CPSF7: variants seen among roughly 807,000 people sequenced by gnomAD.
CPSF7 encodes cleavage and polyadenylation specificity factor subunit 7.
Under a neutral mutation model 44.3 loss-of-function variants are expected in CPSF7, and 1 was observed. The ratio of observed to expected loss-of-function variants is 0.02; its 90% CI spans 0.01 to 0.11. The LOEUF (loss-of-function observed/expected upper bound fraction) is 0.11, where lower values mean the gene tolerates loss of function less well. CPSF7 is among the 10% of genes least tolerant of loss of function. CPSF7 has a pLI of 1.00. For missense variants in CPSF7, 443 were observed against 607.2 expected, an observed-to-expected ratio of 0.73 and a Z score of 2.84; for synonymous variants, 202 against 222.0, an observed-to-expected ratio of 0.91 and a Z score of 0.80.
At chr11:61,429,053 G>C (rs1861669516) in intron 2 of CPSF7, 129 bp downstream of exon 2, 1 of 563,148 alleles carries the variant, frequency 1.8e-6, no homozygotes, top group East Asian at 2.9e-5. Flanking sequence ...TTCTGCAGGA[G>C]AAAAATTTTA....
At chr11:61,409,955 G>C (rs892701360) in intron 9 of CPSF7, among the ~76,000 whole-genome samples, 1 of 151,914 alleles carries the variant, frequency 6.6e-6, no homozygotes, top group African/African-American at 2.4e-5. Flanking sequence ...GGGCGGCAAA[G>C]TGAGGCTCTG....
At chr11:61,417,228 T>C (rs1860423437) in intron 5 of CPSF7, among the ~76,000 whole-genome samples, 1 of 152,146 alleles carries the variant, frequency 6.6e-6, no homozygotes, top group African/African-American at 2.4e-5. Flanking sequence ...CTACAAAACA[T>C]GTCTCCAATC....
chr11:61,429,931 C>T lies in CPSF7; in HGVS notation c.-73G>A, dbSNP rs1590758711. On this transcript the variant is annotated 5_prime_UTR_variant, in exon 1 of 10. Coordinates refer to ENST00000439958, the MANE Select transcript of CPSF7 (RefSeq NM_001142565.3). ...CCCGTTACCGGGAATATGGCGGCGG[C>T]GGCGGCGAGTCCGGACTAGGCCCGA... 2.8e-6 allele frequency: 4 copies of T among 1,440,236 alleles called. No homozygotes were observed. Among genetic ancestry groups the T allele is most frequent in the Non-Finnish European group, 3.7e-6 (4 of 1,076,636 alleles). 89.2% of individuals were successfully genotyped at this position (1,440,236 alleles called of 1,614,324 possible). A position where few individuals can be genotyped will look rare whatever the true frequency, so the allele number is the denominator to read the frequency against.
intron 9 of CPSF7, among the ~76,000 whole-genome samples, chr11:61,409,519 T>G (rs911150926): frequency 3.3e-5 from 5 of 152,212 alleles, no homozygotes; most frequent in East Asian, 3.9e-4. Flanking sequence ...ACCTTGTCAC[T>G]AAGTCTTTTC....
intron 2 of CPSF7, 76 bp from the exon 3 acceptor site, chr11:61,421,684 A>T: frequency 9.8e-7 from 1 of 1,019,310 alleles, no homozygotes; most frequent in Non-Finnish European, 1.5e-6. Context: ...AGTTTATTAG[A>T]ATCCAGTTAA....
intron 2 of CPSF7, among the ~76,000 whole-genome samples, chr11:61,424,764 T>A (rs573529916): frequency 1.3e-5 from 2 of 152,340 alleles, no homozygotes; most frequent in East Asian, 3.9e-4. Flanking sequence ...TCTTTTTTTT[T>A]AAATCAAGGA....
chr11:61,420,912 C>T (rs1860804240), intron 3 of CPSF7: 2 of 505,760 alleles, frequency 4.0e-6, no homozygotes, highest in African/African-American at 3.9e-5. Context: ...CAGAACTTCC[C>T]CCACAGTAAA....
At chr11:61,423,105 CAAAAAAAAAAAA>C (rs71471824) in intron 2 of CPSF7, among the ~76,000 whole-genome samples, 5 of 52,352 alleles carry the variant, frequency 9.6e-5, no homozygotes, top group African/African-American at 1.8e-4. Flanking sequence ...GACCCCATAT[CAAAAAAAAAAAA>C]AAAAAAAAAA....
chr11:61,407,656 T>C (rs1859442463), intron 9 of CPSF7, among the ~76,000 whole-genome samples: 1 of 152,200 alleles, frequency 6.6e-6, no homozygotes, highest in Non-Finnish European at 1.5e-5. Flanking sequence ...TAGGATTTTG[T>C]GGAATAAATG....
intron 6 of CPSF7, 80 bp downstream of exon 6, chr11:61,416,025 G>T: frequency 7.9e-7 from 1 of 1,263,558 alleles, no homozygotes; most frequent in Non-Finnish European, 1.1e-6. Context: ...AGGATTCAGT[G>T]CTCACTTTCT....
intron 2 of CPSF7, among the ~76,000 whole-genome samples, chr11:61,423,101 A>G (rs530024278): frequency 5.6e-5 from 6 of 106,972 alleles, no homozygotes; most frequent in Non-Finnish European, 9.8e-5. Context: ...GTGAGACCCC[A>G]TATCAAAAAA....
chr11:61,409,188 A>C (rs1859616623), intron 9 of CPSF7, among the ~76,000 whole-genome samples: 2 of 150,748 alleles, frequency 1.3e-5, no homozygotes, highest in South Asian at 2.1e-4. Context: ...CAAAACAAAA[A>C]AACAGCCGGG....
chr11:61,429,766 C>A (rs1223350408), intron 1 of CPSF7, 148 bp downstream of exon 1: 6 of 1,546,586 alleles, frequency 3.9e-6, no homozygotes, highest in African/African-American at 2.7e-5. Context: ...CCCGGCCCGG[C>A]GCGCTCTGCC....
intron 8 of CPSF7, among the ~76,000 whole-genome samples, chr11:61,411,563 ACTGC>A (rs764874552): frequency 1.3e-5 from 2 of 152,248 alleles, no homozygotes; most frequent in Non-Finnish European, 2.9e-5. Flanking sequence ...ACATGAGCCC[ACTGC>A]CTCACCCACC....
intron 6 of CPSF7, 85 bp from the exon 7 acceptor site, chr11:61,415,869 AAC>A (rs1860281128): frequency 9.5e-7 from 1 of 1,049,046 alleles, no homozygotes; most frequent in African/African-American, 1.6e-5. Context: ...ATTTTGGCAT[AAC>A]ACAGAACAAT....
At chr11:61,426,453 T>C (rs541396459) in intron 2 of CPSF7, 2 of 152,316 alleles carry the variant, frequency 1.3e-5, no homozygotes, top group African/African-American at 4.8e-5. Context: ...AAACATAAGA[T>C]ATTCAAAATT....
rs1334376882 is a variant in CPSF7 at position 61,429,950 on chromosome 11, G to C, written c.-92C>G. The C allele has an allele frequency of 3.7e-6, 5 of 1,367,246 alleles. No individual in the cohort carries two copies. The highest frequency in any genetic ancestry group is 1.5e-5 in the African/African-American group (1 of 67,596). The allele number at this position is 1,367,246 out of a possible 1,614,324, so 84.7% of individuals were successfully genotyped here. A position where few individuals can be genotyped will look rare whatever the true frequency, so the allele number is the denominator to read the frequency against. ...CGGCGGCGGCGGCGAGTCCGGACTAGGCCCGAAGCGCGCGAACCGCTCTCC... is the reference window on the plus strand; with the variant it reads ...CGGCGGCGGCGGCGAGTCCGGACTACGCCCGAAGCGCGCGAACCGCTCTCC... On this transcript the variant is annotated 5_prime_UTR_variant, in exon 1 of 10. Transcript: ENST00000439958.
At position 61,402,735 on chromosome 11, in the gene CPSF7, G is replaced by T. The variant is rs1590649400; in HGVS notation, c.*1975C>A. 2 of 152,692 alleles carry T rather than the reference G, an allele frequency of 1.3e-5. No individual in the cohort carries two copies. The highest frequency in any genetic ancestry group is 4.1e-4 in the South Asian group (2 of 4,824). The allele number at this position is 152,692 out of a possible 1,614,324, so 9.5% of individuals were successfully genotyped here. ...TACAATGCAGTATAAAAGATTGACA[G>T]CGTCATCAAGTTTATTACACAATTT... On this transcript the variant is annotated 3_prime_UTR_variant, in exon 10 of 10. Coordinates refer to ENST00000439958, the MANE Select transcript of CPSF7 (RefSeq NM_001142565.3).
intron 2 of CPSF7, 115 bp from the exon 3 acceptor site, chr11:61,421,723 C>G: frequency 1.4e-6 from 1 of 718,118 alleles, no homozygotes; most frequent in Non-Finnish European, 2.4e-6. Context: ...ACAAAACTTC[C>G]TTGTCCTACC....
Sources: gnomAD v4.1 joint callset for allele counts (sites outside exome capture counted in the v4.1 genomes callset) on GRCh38, gnomAD v4.1.1 for gene constraint, MANE v1.5 for transcripts, NCBI Gene and HGNC (gene_info 2026-07-23, HGNC 2026-07-21) for gene names.